The following ACBD6 variants were observed in gnomAD, a reference collection of about 807,000 sequenced individuals.
ACBD6 encodes acyl-CoA binding domain containing 6, also known as acyl-CoA-binding domain-containing protein 6.
A neutral mutation model predicts 37.2 loss-of-function variants in ACBD6; 28 were observed. The ratio of observed to expected loss-of-function variants is 0.75; its 90% CI spans 0.56 to 1.03. The LOEUF (loss-of-function observed/expected upper bound fraction) is 1.03. Among genes scored for constraint, ACBD6 ranks in the 50% least tolerant of loss-of-function variants. The probability of loss-of-function intolerance (pLI) is 0.00; values close to 1 mark genes in which losing one functional copy is unlikely to be tolerated. For missense variants in ACBD6, 340 were observed against 337.4 expected (o/e 1.01, Z -0.06); for synonymous variants, 113 against 126.8 (o/e 0.89, Z 0.73).
intron 3 of ACBD6, among the ~76,000 whole-genome samples, chr1:180,449,701 G>T (rs893947821): frequency 6.6e-6 from 1 of 151,830 alleles, no homozygotes; most frequent in Non-Finnish European, 1.5e-5. Flanking sequence ...CTCATAGGTG[G>T]GAATTGAACA....
At chr1:180,271,035 G>A in exon 14 of ACBD6, 2 of 372,154 alleles carry the variant, frequency 5.4e-6, no homozygotes, top group Non-Finnish European at 1.0e-5. Flanking sequence ...AAGAACTCAT[G>A]AGGATGTGTG....
At chr1:180,478,238 G>T (rs1346005894) in intron 3 of ACBD6, among the ~76,000 whole-genome samples, 2 of 151,816 alleles carry the variant, frequency 1.3e-5, no homozygotes, top group East Asian at 3.8e-4. Context: ...ATTAAGTACA[G>T]CTAAAAAATA....
intron 3 of ACBD6, among the ~76,000 whole-genome samples, chr1:180,439,201 C>T (rs1649180418): frequency 6.6e-6 from 1 of 152,120 alleles, no homozygotes; most frequent in Admixed American, 6.6e-5. Context: ...TATGCTCCTT[C>T]CCCTGGCCCA....
intron 4 of ACBD6, among the ~76,000 whole-genome samples, chr1:180,425,865 T>C (rs186495209): frequency 6.6e-6 from 1 of 152,334 alleles, no homozygotes; most frequent in East Asian, 1.9e-4. Context: ...GAATACAAAA[T>C]TAAAGCATAA....
At position 180,502,450 on chromosome 1, in the gene ACBD6, G is replaced by T. The variant is rs529985639; in HGVS notation, c.-184C>A. The T allele has an allele frequency of 2.9e-6, 2 of 681,530 alleles. No homozygotes were observed. Among genetic ancestry groups the T allele is most frequent in the Non-Finnish European group, 5.2e-6 (2 of 384,690 alleles). The allele number at this position is 681,530 out of a possible 1,614,324, so 42.2% of individuals were successfully genotyped here. On this transcript the variant is annotated 5_prime_UTR_variant, in exon 1 of 8. Transcript: ENST00000367595. Reference sequence around the variant, plus strand: ...CTGCCCACTTCTACTCCCTGGGCGTGCAGAGCAGGCTCCTCGACCCTCTGC... The same window carrying T: ...CTGCCCACTTCTACTCCCTGGGCGTTCAGAGCAGGCTCCTCGACCCTCTGC...
chr1:180,345,660 G>C (rs1258824820), intron 6 of ACBD6, among the ~76,000 whole-genome samples: 2 of 151,792 alleles, frequency 1.3e-5, no homozygotes, highest in Non-Finnish European at 2.9e-5. Flanking sequence ...TTCAAATGAT[G>C]GTCATAAAAC....
At chr1:180,435,995 T>C in intron 3 of ACBD6, 1 of 903,992 alleles carries the variant, frequency 1.1e-6, no homozygotes, top group Non-Finnish European at 1.8e-6. Context: ...CATAGCTACC[T>C]TCAGAATTTA....
At chr1:180,386,578 A>G (rs1653853943) in intron 6 of ACBD6, among the ~76,000 whole-genome samples, 1 of 152,014 alleles carries the variant, frequency 6.6e-6, no homozygotes, top group African/African-American at 2.4e-5. Context: ...ATCTTTTACA[A>G]TTGTCCCACA....
At chr1:180,372,913 C>A (rs1270313446) in intron 6 of ACBD6, among the ~76,000 whole-genome samples, 1 of 152,156 alleles carries the variant, frequency 6.6e-6, no homozygotes, top group African/African-American at 2.4e-5. Context: ...ATATTTATTG[C>A]TATTGATCTG....
intron 6 of ACBD6, among the ~76,000 whole-genome samples, chr1:180,383,358 A>G (rs542624310): frequency 1.3e-5 from 2 of 152,328 alleles, no homozygotes; most frequent in African/African-American, 4.8e-5. Flanking sequence ...TACAAAATCA[A>G]CATATAAAAA....
At chr1:180,496,464 C>T (rs780244411) in intron 1 of ACBD6, among the ~76,000 whole-genome samples, 3 of 152,172 alleles carry the variant, frequency 2.0e-5, no homozygotes, top group Non-Finnish European at 4.4e-5. Context: ...TTTCCCATTA[C>T]TCTAACTGAT....
Position 180,492,589 on chromosome 1 carries a change from C to T in ACBD6, c.288-224G>A, listed in dbSNP as rs893953705. 2.0e-5 allele frequency among the ~76,000 whole-genome samples: 3 copies of T among 152,172 alleles called. No homozygotes were observed. The South Asian group carries it at 6.2e-4, about 32-fold the overall frequency. On this transcript the variant is annotated intron_variant, in intron 2 of 7. Coordinates refer to ENST00000367595, the MANE Select transcript of ACBD6 (RefSeq NM_032360.4). ...CTTTTCAGACATTTTTTTTCCTAATCGTCCTCCCCGTGAAATTTTAAAAAC... is the reference window on the plus strand; with the variant it reads ...CTTTTCAGACATTTTTTTTCCTAATTGTCCTCCCCGTGAAATTTTAAAAAC...
chr1:180,371,107 A>C (rs1345142810), intron 6 of ACBD6, among the ~76,000 whole-genome samples: 1 of 152,036 alleles, frequency 6.6e-6, no homozygotes, highest in African/African-American at 2.4e-5. Flanking sequence ...GAAAACTTGG[A>C]TTTGAATCTT....
chr1:180,330,596 C>T (rs1651442234), intron 6 of ACBD6, among the ~76,000 whole-genome samples: 1 of 152,102 alleles, frequency 6.6e-6, no homozygotes, highest in South Asian at 2.1e-4. Context: ...TGATAAATAG[C>T]TACTGTAAAC....
intron 3 of ACBD6, among the ~76,000 whole-genome samples, chr1:180,437,484 G>A (rs1649092295): frequency 6.6e-6 from 1 of 152,192 alleles, no homozygotes; most frequent in South Asian, 2.1e-4. Context: ...GAAGTCTTCT[G>A]TTGTTGTAGT....
chr1:180,447,754 TCATAAAA>T (rs1233806269), intron 3 of ACBD6, among the ~76,000 whole-genome samples: 2 of 152,076 alleles, frequency 1.3e-5, no homozygotes, highest in East Asian at 3.8e-4. Context: ...CCAAAGGAAA[TCATAAAA>T]CATCAAAAGA....
intron 4 of ACBD6, among the ~76,000 whole-genome samples, chr1:180,419,360 T>C (rs1648251592): frequency 3.3e-5 from 5 of 152,220 alleles, no homozygotes; most frequent in Admixed American, 3.3e-4. Context: ...CATGTTAACA[T>C]CTCCTATGAA....
At chr1:180,304,323 G>A (rs1292510372) in intron 7 of ACBD6, among the ~76,000 whole-genome samples, 3 of 150,822 alleles carry the variant, frequency 2.0e-5, no homozygotes, top group Non-Finnish European at 3.0e-5. Flanking sequence ...AATTGTCCCT[G>A]TTTGCAGATG....
At chr1:180,291,414 G>T (rs1649701992) in intron 7 of ACBD6, among the ~76,000 whole-genome samples, 1 of 152,080 alleles carries the variant, frequency 6.6e-6, no homozygotes, top group East Asian at 1.9e-4. Flanking sequence ...ATTCTAGTTA[G>T]GTCTATGGTG....
Sources: gnomAD v4.1 joint callset for allele counts (sites outside exome capture counted in the v4.1 genomes callset) on GRCh38, gnomAD v4.1.1 for gene constraint, MANE v1.5 for transcripts, NCBI Gene and HGNC (gene_info 2026-07-23, HGNC 2026-07-21) for gene names.